Variants in EIF4G3 observed in about 807,000 individuals in gnomAD.
EIF4G3 encodes the protein eukaryotic translation initiation factor 4 gamma 3, also known as eIF-4-gamma 3.
A neutral mutation model predicts 186.4 loss-of-function variants in EIF4G3; 34 were observed. That is an observed-to-expected ratio of 0.18 (90% CI 0.14 to 0.24). The LOEUF is 0.24. Among genes scored for constraint, EIF4G3 ranks in the 10% least tolerant of loss-of-function variants. The pLI is 1.00. For synonymous variants in EIF4G3, 673 were observed against 679.5 expected, an observed-to-expected ratio of 0.99 and a Z score of 0.15; for missense variants, 1,536 against 1,948.5, an observed-to-expected ratio of 0.79 and a Z score of 3.99.
chr1:20,860,593 C>T, intron 23 of EIF4G3, 76 bp from the exon 24 acceptor site: 1 of 1,507,830 alleles, frequency 6.6e-7, no homozygotes, highest in Non-Finnish European at 9.0e-7. Flanking sequence ...GCAATTTTTA[C>T]TACTGGAAAA....
chr1:21,126,809 T>C (rs1572948529), intron 2 of EIF4G3, among the ~76,000 whole-genome samples: 2 of 152,286 alleles, frequency 1.3e-5, no homozygotes, highest in African/African-American at 4.8e-5. Context: ...GTCCTGTGGA[T>C]ACTAAAATCC....
At chr1:20,888,734 A>G (rs2085021915) in intron 18 of EIF4G3, among the ~76,000 whole-genome samples, 1 of 152,198 alleles carries the variant, frequency 6.6e-6, no homozygotes. Flanking sequence ...CCTAAAAACT[A>G]TATTATCATC....
At chr1:20,837,141 A>G (rs1343598464) in intron 30 of EIF4G3, among the ~76,000 whole-genome samples, 1 of 152,198 alleles carries the variant, frequency 6.6e-6, no homozygotes, top group African/African-American at 2.4e-5. Context: ...TGCATACTCT[A>G]AAGAGCTATA....
intron 9 of EIF4G3, among the ~76,000 whole-genome samples, chr1:20,980,738 A>G (rs1456032280): frequency 6.6e-6 from 1 of 152,218 alleles, no homozygotes. Flanking sequence ...CTTTTCAATG[A>G]CATTAAAGGA....
At chr1:20,978,677 C>CAAAAA (rs10603153) in intron 10 of EIF4G3, among the ~76,000 whole-genome samples, 1 of 106,320 alleles carries the variant, frequency 9.4e-6, no homozygotes, top group Non-Finnish European at 1.9e-5. Flanking sequence ...TTTATCAGAT[C>CAAAAA]AAAAAAAAAA....
intron 4 of EIF4G3, among the ~76,000 whole-genome samples, chr1:21,013,318 T>A (rs2087771286): frequency 6.6e-6 from 1 of 152,020 alleles, no homozygotes; most frequent in Non-Finnish European, 1.5e-5. Context: ...TAAAGAACAA[T>A]AATTTGTAAG....
At chr1:20,927,157 C>T (rs149234538) in intron 14 of EIF4G3, among the ~76,000 whole-genome samples, 74 of 151,758 alleles carry the variant, frequency 4.9e-4, no homozygotes, top group African/African-American at 1.7e-3. Flanking sequence ...AATTCTCCTG[C>T]CTCAGCCTCC....
intron 2 of EIF4G3, among the ~76,000 whole-genome samples, chr1:21,147,246 G>A (rs1178906463): frequency 6.6e-6 from 1 of 151,910 alleles, no homozygotes; most frequent in East Asian, 1.9e-4. Flanking sequence ...TGGAGACAGA[G>A]CAAGACTCCA....
At chr1:21,068,129 T>C (rs553293531) in intron 3 of EIF4G3, among the ~76,000 whole-genome samples, 24 of 151,760 alleles carry the variant, frequency 1.6e-4, no homozygotes, top group African/African-American at 5.1e-4. Flanking sequence ...TCCCAGCACT[T>C]TGGGAGGCCG....
intron 14 of EIF4G3, among the ~76,000 whole-genome samples, chr1:20,914,946 C>T (rs2093693360): frequency 6.6e-6 from 1 of 152,186 alleles, no homozygotes. Flanking sequence ...TATGCTATTC[C>T]AGCTCCTAGG....
intron 4 of EIF4G3, among the ~76,000 whole-genome samples, chr1:21,018,410 A>C (rs1053264788): frequency 6.6e-6 from 1 of 152,034 alleles, no homozygotes; most frequent in African/African-American, 2.4e-5. Context: ...TCTCTACTAA[A>C]AATACAGGGC....
rs1432122037 is a variant in EIF4G3, at chr1:20,810,258, G to A, written c.4744+480C>T. Among the ~76,000 whole-genome samples the A allele has an allele frequency of 3.3e-5, 5 of 151,864 alleles. No homozygotes were observed. The highest frequency in any genetic ancestry group is 6.6e-5 in the Admixed American group (1 of 15,250). On this transcript the variant is annotated intron_variant, in intron 36 of 36. Coordinates refer to ENST00000602326, the MANE Select transcript of EIF4G3 (RefSeq NM_001391906.1). This position sits in a 1 kb window ranked among gnomAD's most constrained non-coding sequence, Gnocchi z 4.1. ...TAACCTCCGCCTCCTGGGTTCAAGC[G>A]ATTCTCCTGCCTCAGCCTCCCAAGT... is the stretch of plus-strand genomic sequence containing the variant.
At chr1:21,005,537 G>C (rs1334564724) in intron 4 of EIF4G3, among the ~76,000 whole-genome samples, 1 of 152,096 alleles carries the variant, frequency 6.6e-6, no homozygotes, top group African/African-American at 2.4e-5. Context: ...GGAATCCACT[G>C]TATTTCATTG....
intron 2 of EIF4G3, among the ~76,000 whole-genome samples, chr1:21,120,666 T>C (rs917165661): frequency 6.6e-6 from 1 of 150,786 alleles, no homozygotes; most frequent in Non-Finnish European, 1.5e-5. Flanking sequence ...CAAATACATA[T>C]AGTCTTCAGT....
intron 4 of EIF4G3, among the ~76,000 whole-genome samples, chr1:21,030,563 G>A (rs1052960450): frequency 5.3e-5 from 8 of 152,116 alleles, no homozygotes; most frequent in African/African-American, 1.9e-4. Flanking sequence ...ATCTTTACCA[G>A]CACCCTGAAA....
At chr1:21,141,492 A>C (rs1235381756) in intron 2 of EIF4G3, among the ~76,000 whole-genome samples, 11 of 152,076 alleles carry the variant, frequency 7.2e-5, no homozygotes, top group South Asian at 6.2e-4. Flanking sequence ...AAAAAAAAAA[A>C]AAAACAAGAT....
chr1:20,893,899 G>A (rs1043060610), intron 17 of EIF4G3, among the ~76,000 whole-genome samples: 6 of 148,298 alleles, frequency 4.0e-5, no homozygotes, highest in Admixed American at 1.4e-4. Flanking sequence ...TCAGCAGACT[G>A]GCTCACTAGA....
rs561557083 is a variant in EIF4G3 at position 21,165,124 on chromosome 1, T to G, written c.-272+11051A>C. ...AGGGAAACGCAAATCAAAACCACAA[T>G]GAGATACCACTTTACACCCAATAGG... On this transcript the variant is annotated intron_variant, in intron 2 of 36. Transcript: ENST00000602326. Among the ~76,000 whole-genome samples, 61 of 152,142 alleles carry G rather than the reference T, an allele frequency of 4.0e-4. No individual in the cohort carries two copies. In the South Asian group the frequency reaches 0.012, roughly 29 times the overall value.
intron 4 of EIF4G3, among the ~76,000 whole-genome samples, chr1:21,023,791 G>A (rs1425292921): frequency 5.3e-4 from 76 of 143,862 alleles, no homozygotes; most frequent in African/African-American, 1.9e-3. Context: ...CCGCCCGGCC[G>A]CCATCCCATC....
Sources: allele counts gnomAD v4.1 joint callset (sites outside exome capture counted in the v4.1 genomes callset), GRCh38; gene constraint gnomAD v4.1.1; non-coding constraint Gnocchi (gnomAD v3.1); transcripts MANE v1.5; gene names NCBI Gene and HGNC (gene_info 2026-07-23, HGNC 2026-07-21).